Variants in FAXC observed in about 807,000 individuals in gnomAD.
FAXC encodes the protein failed axon connections homolog.
Under a neutral mutation model 41.9 loss-of-function variants are expected in FAXC, and 10 were observed. The ratio of observed to expected loss-of-function variants is 0.24; its 90% confidence interval spans 0.15 to 0.41. The LOEUF (loss-of-function observed/expected upper bound fraction) is 0.41, where lower values mean the gene tolerates loss of function less well. FAXC is among the 10% of genes least tolerant of loss of function. FAXC has a pLI of 1.00. For missense variants in FAXC, 399 were observed against 510.9 expected, an observed-to-expected ratio of 0.78 and a Z score of 2.11; for synonymous variants, 183 against 183.8, an observed-to-expected ratio of 1.00 and a Z score of 0.03.
At chr6:99,308,811 C>T (rs1365598481) in intron 4 of FAXC, among the ~76,000 whole-genome samples, 5 of 151,896 alleles carry the variant, frequency 3.3e-5, no homozygotes, top group East Asian at 1.9e-4. Flanking sequence ...GGAAAGTATA[C>T]GGAAATAGGA....
At chr6:99,337,744 A>G (rs994340779) in intron 2 of FAXC, among the ~76,000 whole-genome samples, 20 of 152,218 alleles carry the variant, frequency 1.3e-4, no homozygotes, top group African/African-American at 4.8e-4. Flanking sequence ...ACCAATATTC[A>G]TATCTTGATA....
rs1316661769 is a variant in FAXC at position 99,279,354 on chromosome 6, C to T, written c.*1810G>A. 6.6e-6 allele frequency: 1 copy of T among 152,100 alleles called. No individual in the cohort carries two copies. The highest frequency in any genetic ancestry group is 2.4e-5 in the African/African-American group (1 of 41,378). 9.4% of individuals were successfully genotyped at this position (152,100 alleles called of 1,614,324 possible). On this transcript the variant is annotated 3_prime_UTR_variant, in exon 6 of 6. Coordinates refer to ENST00000389677, the MANE Select transcript of FAXC (RefSeq NM_032511.4). ...CGTATTCCCAGTTACATATGCCCTA[C>T]ACAATTGCTTAAGTGGTAAGCAGTC...
rs1451721909 is a variant in FAXC at position 99,276,167 on chromosome 6, A to C, written c.*4997T>G. 6.6e-6 allele frequency: 1 copy of C among 152,104 alleles called. No individual in the cohort carries two copies. Among genetic ancestry groups the C allele is most frequent in the African/African-American group, 2.4e-5 (1 of 41,424 alleles). The allele number at this position is 152,104 out of a possible 1,614,324, so 9.4% of individuals were successfully genotyped here. ...CTGTTTAAAAAAAAAAAAAACCCTA[A>C]AAGAAAGAAAGAAGAATAACCTGAG... On this transcript the variant is annotated 3_prime_UTR_variant, in exon 6 of 6. Coordinates refer to ENST00000389677, the MANE Select transcript of FAXC (RefSeq NM_032511.4).
chr6:99,345,576 A>T (rs907015790), intron 1 of FAXC, among the ~76,000 whole-genome samples: 4 of 152,218 alleles, frequency 2.6e-5, no homozygotes, highest in Admixed American at 6.5e-5. Context: ...CATAAGGTTT[A>T]TATAAGAGGA....
At chr6:99,332,167 AAAG>A (rs1773049003) in intron 3 of FAXC, among the ~76,000 whole-genome samples, 1 of 152,150 alleles carries the variant, frequency 6.6e-6, no homozygotes, top group Non-Finnish European at 1.5e-5. Context: ...AAAAAGAGAA[AAAG>A]AAGAGGGTCA....
intron 2 of FAXC, 85 bp downstream of exon 2, chr6:99,342,813 T>C: frequency 2.2e-6 from 3 of 1,352,636 alleles, no homozygotes; most frequent in Non-Finnish European, 3.0e-6. Flanking sequence ...ATCCACTGTG[T>C]GAGACGAAAT....
chr6:99,302,422 G>A (rs577244806), intron 4 of FAXC, among the ~76,000 whole-genome samples: 5 of 152,312 alleles, frequency 3.3e-5, no homozygotes, highest in African/African-American at 9.6e-5. Flanking sequence ...TTGGGAGGCC[G>A]AGATGGGCAG....
At chr6:99,288,893 C>T (rs959632825) in intron 5 of FAXC, among the ~76,000 whole-genome samples, 2 of 146,306 alleles carry the variant, frequency 1.4e-5, no homozygotes, top group Non-Finnish European at 3.1e-5. Context: ...CACAGAGCTG[C>T]AGGCTCCACC....
At chr6:99,307,379 G>A (rs921859806) in intron 4 of FAXC, among the ~76,000 whole-genome samples, 5 of 152,144 alleles carry the variant, frequency 3.3e-5, no homozygotes, top group Non-Finnish European at 7.3e-5. Context: ...TCAAAGGCCC[G>A]AATGGAGAGA....
rs1338206874 is a variant in FAXC, at chr6:99,280,081, A to C, written c.*1083T>G. 6.6e-6 allele frequency: 1 copy of C among 152,252 alleles called. No homozygotes were observed. Among genetic ancestry groups the C allele is most frequent in the African/African-American group, 2.4e-5 (1 of 41,468 alleles). The allele number at this position is 152,252 out of a possible 1,614,324, so 9.4% of individuals were successfully genotyped here. On this transcript the variant is annotated 3_prime_UTR_variant, in exon 6 of 6. Transcript: ENST00000389677. ...GATTTATTCTTCTCAAATAAATCAA[A>C]CATAGGCAACGTAACACTCTGGAGT...
chr6:99,322,806 T>A (rs954957063), intron 4 of FAXC, among the ~76,000 whole-genome samples: 2 of 152,150 alleles, frequency 1.3e-5, no homozygotes, highest in Non-Finnish European at 2.9e-5. Context: ...TTCCCAGCCA[T>A]CCTCACCAGC....
intron 3 of FAXC, among the ~76,000 whole-genome samples, chr6:99,326,744 G>C (rs551837410): frequency 3.3e-4 from 50 of 152,290 alleles, no homozygotes; most frequent in Non-Finnish European, 6.2e-4. Context: ...AGAGAAGTAG[G>C]GGCATCTTTC....
chr6:99,324,222 A>G (rs920849554), intron 3 of FAXC, among the ~76,000 whole-genome samples: 1 of 152,120 alleles, frequency 6.6e-6, no homozygotes, highest in African/African-American at 2.4e-5. Flanking sequence ...AAATTTCTGA[A>G]AGAAACCTTT....
intron 5 of FAXC, among the ~76,000 whole-genome samples, chr6:99,288,859 T>TACATACACACACACACACACAC (rs1554197991): frequency 2.7e-5 from 4 of 145,736 alleles, no homozygotes; most frequent in Non-Finnish European, 6.0e-5. Flanking sequence ...CACACACACA[T>TACATACACACACACACACACAC]ACACACACAC....
At position 99,349,510 on chromosome 6, in the gene FAXC, CG is replaced by C. The variant is rs1273839140; in HGVS notation, c.-139del. ...GCGGCGGCGACTGAGGAGGCGGCGG[CG>C]ACTGAGGAGGCGGCGGCAGAGGAGG... On this transcript the variant is annotated 5_prime_UTR_variant, in exon 1 of 6. Transcript: ENST00000389677. 127 of 533,534 alleles carry C rather than the reference CG, an allele frequency of 2.4e-4. No homozygotes were observed. The highest frequency in any genetic ancestry group is 7.5e-4 in the East Asian group (5 of 6,662). 33.0% of individuals were successfully genotyped at this position (533,534 alleles called of 1,614,324 possible). A position where few individuals can be genotyped will look rare whatever the true frequency, so the allele number is the denominator to read the frequency against.
At chr6:99,299,454 T>G (rs921112865) in intron 4 of FAXC, among the ~76,000 whole-genome samples, 1 of 152,212 alleles carries the variant, frequency 6.6e-6, no homozygotes, top group African/African-American at 2.4e-5. Flanking sequence ...AGTACAATTG[T>G]GTGTTTTACA....
At chr6:99,345,743 G>A (rs1367255269) in intron 1 of FAXC, among the ~76,000 whole-genome samples, 1 of 152,206 alleles carries the variant, frequency 6.6e-6, no homozygotes, top group African/African-American at 2.4e-5. Context: ...GAGCCCGTGT[G>A]TCAAAAGTGC....
intron 1 of FAXC, among the ~76,000 whole-genome samples, chr6:99,343,838 C>G (rs1300752421): frequency 6.6e-6 from 1 of 152,164 alleles, no homozygotes; most frequent in African/African-American, 2.4e-5. Context: ...CTAGCTCTGT[C>G]TTCCTTATTT....
intron 4 of FAXC, among the ~76,000 whole-genome samples, chr6:99,320,645 C>A (rs79339683): frequency 2.0e-5 from 3 of 152,112 alleles, no homozygotes; most frequent in Non-Finnish European, 2.9e-5. Flanking sequence ...AAGTATACAT[C>A]TTTTAGCATG....
Sources: allele counts gnomAD v4.1 joint callset (sites outside exome capture counted in the v4.1 genomes callset), GRCh38; gene constraint gnomAD v4.1.1; transcripts MANE v1.5; gene names NCBI Gene and HGNC (gene_info 2026-07-23, HGNC 2026-07-21).